TOP1: variants seen among roughly 807,000 people sequenced by gnomAD.
The protein encoded by TOP1 is DNA topoisomerase I.
In TOP1, 10 loss-of-function variants were observed where a neutral mutation model predicts 111.1. The observed-to-expected ratio is 0.09, with a 90% CI of 0.06 to 0.15. The LOEUF is 0.15. Among genes scored for constraint, TOP1 ranks in the 10% least tolerant of loss-of-function variants. TOP1 has a pLI of 1.00. For missense variants in TOP1, 474 were observed against 926.7 expected (o/e 0.51, Z 6.34); for synonymous variants, 271 against 302.9 (o/e 0.89, Z 1.10).
At position 41,097,137 on chromosome 20, in the gene TOP1, TAAA is replaced by T; in HGVS notation, c.731-82_731-80del. ...ATACCATGAGAAGGCAAACCATTAT[TAAA>T]GAGAATTCGCTAGCCCTGGGTATTT... On this transcript the variant is annotated intron_variant, in intron 9 of 20. Coordinates refer to ENST00000361337, the MANE Select transcript of TOP1 (RefSeq NM_003286.4). This position sits in a 1 kb window ranked among gnomAD's most constrained non-coding sequence, Gnocchi z 4.2. 2.7e-6 allele frequency: 4 copies of T among 1,488,408 alleles called. No individual in the cohort carries two copies. The highest frequency in any genetic ancestry group is 3.6e-6 in the Non-Finnish European group (4 of 1,100,828). The allele number at this position is 1,488,408 out of a possible 1,614,324, so 92.2% of individuals were successfully genotyped here.
intron 9 of TOP1, among the ~76,000 whole-genome samples, chr20:41,096,607 A>G (rs1487458323): frequency 1.3e-5 from 2 of 152,202 alleles, no homozygotes. Context: ...CATGATGCCA[A>G]TGCTGCTGGT....
intron 18 of TOP1, among the ~76,000 whole-genome samples, chr20:41,120,253 T>C (rs1011943305): frequency 2.0e-5 from 3 of 152,236 alleles, no homozygotes; most frequent in African/African-American, 7.2e-5. Context: ...ATCAGTCCCC[T>C]CAGTTTGGCT....
chr20:41,029,438 C>T lies in TOP1; in HGVS notation c.41C>T (p.Ala14Val), dbSNP rs1209375262. Residue 14 changes from alanine to valine, a missense_variant, in exon 2 of 21, where the codon GCG becomes GTG. This residue lies in a region of TOP1 where 185 missense variants were observed against 226.3 expected (regional missense o/e 0.82). Transcript: ENST00000361337. This position sits in a 1 kb window ranked among gnomAD's most constrained non-coding sequence, Gnocchi z 6.1. ...CTCCTTTTCTTTTTCCAGATCGAAGCGGATTTCCGATTGAATGGTGAGTGT... is the reference window on the plus strand; with the variant it reads ...CTCCTTTTCTTTTTCCAGATCGAAGTGGATTTCCGATTGAATGGTGAGTGT... Reference protein sequence around the residue: ...DHLHNDSQIEADFRLNDSHKH... With the variant: ...DHLHNDSQIEVDFRLNDSHKH... 2.7e-6 allele frequency: 4 copies of T among 1,493,070 alleles called. No homozygotes were observed. The highest frequency in any genetic ancestry group is 3.6e-6 in the Non-Finnish European group (4 of 1,119,664). 92.5% of individuals were successfully genotyped at this position (1,493,070 alleles called of 1,614,324 possible).
At position 41,076,287 on chromosome 20, in the gene TOP1, A is replaced by G. The variant is rs2145935087; in HGVS notation, c.272A>G (p.Glu91Gly). The G allele has an allele frequency of 1.2e-6, 2 of 1,608,508 alleles. No individual in the cohort carries two copies. Among genetic ancestry groups the G allele is most frequent in the Middle Eastern group, 3.3e-4 (2 of 6,028 alleles). Residue 91 changes from glutamate (E) to glycine (G), a missense_variant, in exon 4 of 21, where the codon GAG (glutamate) becomes GGG (glycine). By Grantham distance (98) the Glu-to-Gly change is moderately conservative (BLOSUM62 -2). Coordinates refer to ENST00000361337, the MANE Select transcript of TOP1 (RefSeq NM_003286.4). ...GACAGAGACAAGGAAAAACGAAAAG[A>G]GGAAAAGGTACAGAGTTTTCTAGTA... ...HKDRDKEKRK[E>G]EKVRASGDAK...
Position 41,097,087 on chromosome 20 carries a change from C to T in TOP1, c.731-133C>T, listed in dbSNP as rs929051717. ...CAGTATGTTGTCTTTGTTGTTGTTG[C>T]TACTATGTGTCACCAGACCTTTATA... On this transcript the variant is annotated intron_variant, in intron 9 of 20. Coordinates refer to ENST00000361337, the MANE Select transcript of TOP1 (RefSeq NM_003286.4). The surrounding 1 kb of genome is among the most constrained non-coding windows in gnomAD (Gnocchi z 4.2). 7.1e-6 allele frequency: 6 copies of T among 840,942 alleles called. No homozygotes were observed. The African/African-American group carries it at 8.6e-5, about 12-fold the overall frequency. 52.1% of individuals were successfully genotyped at this position (840,942 alleles called of 1,614,324 possible).
chr20:41,073,301 A>G (rs1000648633), intron 3 of TOP1: 1 of 985,114 alleles, frequency 1.0e-6, no homozygotes, highest in African/African-American at 1.7e-5. Context: ...GGAAGGTGGA[A>G]CTTAAAGGAA....
intron 13 of TOP1, among the ~76,000 whole-genome samples, chr20:41,104,248 G>A (rs1260841998): frequency 6.6e-6 from 1 of 152,172 alleles, no homozygotes; most frequent in Non-Finnish European, 1.5e-5. Flanking sequence ...AATGACACCA[G>A]ATTTGTATTT....
At chr20:41,104,542 G>C (rs1245484835) in intron 13 of TOP1, among the ~76,000 whole-genome samples, 1 of 152,206 alleles carries the variant, frequency 6.6e-6, no homozygotes, top group Non-Finnish European at 1.5e-5. Context: ...CAAGAGCAGA[G>C]AGCCAGTCAA....
chr20:41,107,934 T>A (rs774272611), intron 13 of TOP1, among the ~76,000 whole-genome samples: 10 of 152,262 alleles, frequency 6.6e-5, no homozygotes, highest in Non-Finnish European at 1.0e-4. Context: ...CAAGAAGTGA[T>A]CCTCCTGTCT....
At position 41,100,275 on chromosome 20, in the gene TOP1, A is replaced by G. The variant is rs2145951970; in HGVS notation, c.1163+32A>G. The G allele has an allele frequency of 6.4e-7, 1 of 1,568,418 alleles. No homozygotes were observed. Among genetic ancestry groups the G allele is most frequent in the Non-Finnish European group, 8.7e-7 (1 of 1,147,208 alleles). On this transcript the variant is annotated intron_variant, in intron 12 of 20. Transcript: ENST00000361337. The surrounding 1 kb of genome is among the most constrained non-coding windows in gnomAD (Gnocchi z 4.4). ...TCGCACTTCATCCTATGGGCCAAAA[A>G]GGGGGTGGAGGGCGTCCTTTATTGT...
intron 4 of TOP1, 109 bp from the exon 5 acceptor site, chr20:41,077,473 C>A: frequency 2.3e-6 from 2 of 862,648 alleles, no homozygotes; most frequent in Non-Finnish European, 3.8e-6. Flanking sequence ...AACATAAGAG[C>A]CAGCTTGTGA....
intron 2 of TOP1, among the ~76,000 whole-genome samples, chr20:41,038,168 A>AC (rs2033213172): frequency 6.6e-6 from 1 of 151,976 alleles, no homozygotes; most frequent in African/African-American, 2.4e-5. Flanking sequence ...CCGGCCTCCA[A>AC]CCCCCTCTAC....
At position 41,058,151 on chromosome 20, in the gene TOP1, TA is replaced by T. The variant is rs571896978; in HGVS notation, c.59-3242del. Among the ~76,000 whole-genome samples the T allele has an allele frequency of 6.5e-4, 99 of 152,366 alleles. No individual in the cohort carries two copies. The highest frequency in any genetic ancestry group is 2.3e-3 in the African/African-American group (96 of 41,584). On this transcript the variant is annotated intron_variant, in intron 2 of 20. Coordinates refer to ENST00000361337, the MANE Select transcript of TOP1 (RefSeq NM_003286.4). The surrounding 1 kb of genome is among the most constrained non-coding windows in gnomAD (Gnocchi z 4.2). Reference sequence around the variant, plus strand: ...TTAGTACTACGGTCATGCAGATTTCTATTTTCCCAGGGCCTGACACAGAATA... The same window carrying T: ...TTAGTACTACGGTCATGCAGATTTCTTTTTCCCAGGGCCTGACACAGAATA...
At chr20:41,065,489 T>G (rs927696049) in intron 3 of TOP1, among the ~76,000 whole-genome samples, 1 of 152,236 alleles carries the variant, frequency 6.6e-6, no homozygotes, top group African/African-American at 2.4e-5. Flanking sequence ...GTCACCACTA[T>G]CTCCAGAACT....
At chr20:41,040,124 A>G (rs1486963199) in intron 2 of TOP1, among the ~76,000 whole-genome samples, 2 of 152,250 alleles carry the variant, frequency 1.3e-5, no homozygotes, top group Non-Finnish European at 2.9e-5. Flanking sequence ...AACTCTACTT[A>G]AAGTCCTGGG....
chr20:41,079,816 C>T lies in TOP1; in HGVS notation c.336-269C>T, dbSNP rs1248459271. 1.3e-5 allele frequency among the ~76,000 whole-genome samples: 2 copies of T among 152,106 alleles called. No homozygotes were observed. Among genetic ancestry groups the T allele is most frequent in the Non-Finnish European group, 2.9e-5 (2 of 68,028 alleles). On this transcript the variant is annotated intron_variant, in intron 5 of 20. Transcript: ENST00000361337. This position sits in a 1 kb window ranked among gnomAD's most constrained non-coding sequence, Gnocchi z 4.0. ...GTTCGTGCCATGCTGGCAAAGATAGCTAAGAAATAGTGAGAAAGAATTCTG... is the reference window on the plus strand; with the variant it reads ...GTTCGTGCCATGCTGGCAAAGATAGTTAAGAAATAGTGAGAAAGAATTCTG...
chr20:41,065,784 A>C (rs1017565821), intron 3 of TOP1, among the ~76,000 whole-genome samples: 1 of 152,128 alleles, frequency 6.6e-6, no homozygotes, highest in Non-Finnish European at 1.5e-5. Context: ...GCCTGTAATC[A>C]CATTTAAAAA....
At chr20:41,072,871 A>C in intron 3 of TOP1, 1 of 985,428 alleles carries the variant, frequency 1.0e-6, no homozygotes, top group Non-Finnish European at 1.2e-6. Flanking sequence ...ATAAAAATGC[A>C]AATCTGCTCT....
intron 7 of TOP1, 133 bp from the exon 8 acceptor site, chr20:41,084,329 A>C: frequency 2.2e-6 from 1 of 455,122 alleles, no homozygotes; most frequent in Non-Finnish European, 4.0e-6. Context: ...CTGTCAAATG[A>C]GAGGAGTACT....
Sources: allele counts gnomAD v4.1 joint callset (sites outside exome capture counted in the v4.1 genomes callset), GRCh38; gene constraint gnomAD v4.1.1; regional missense constraint gnomAD v4.1.1; non-coding constraint Gnocchi (gnomAD v3.1); transcripts MANE v1.5; gene names NCBI Gene and HGNC (gene_info 2026-07-23, HGNC 2026-07-21).